The following SLC16A9 variants were observed in gnomAD, a reference collection of about 807,000 sequenced individuals.
SLC16A9 encodes monocarboxylate transporter 9.
A neutral mutation model predicts 44.3 loss-of-function variants in SLC16A9; 26 were observed. The observed-to-expected ratio is 0.59, with a 90% CI of 0.43 to 0.81. The LOEUF (loss-of-function observed/expected upper bound fraction) is 0.81. Ranked by LOEUF, SLC16A9 falls within the 40% of genes least tolerant of loss-of-function variation. The pLI, the probability that SLC16A9 is intolerant of heterozygous loss-of-function variation, is 0.00. For synonymous variants in SLC16A9, 230 were observed against 225.1 expected (o/e 1.02, Z -0.19); for missense variants, 559 against 595.8 (o/e 0.94, Z 0.64).
In SLC16A9 at chr10:59,652,904, A is replaced by G. The variant is rs771820559; in HGVS notation, c.1398T>C (p.Phe466=). The stretch of plus-strand genomic sequence containing the variant: ...CTCCCAGCAGGACGCAGAAGCCACT[A>G]AAATAAAATGCAATATCATAGGTCT... The part of the protein sequence containing the change: ...WTQTYDIAFY[F]SGFCVLLGGF... The change falls in exon 6 of 6, where the codon TTT becomes TTC. Residue 466 remains phenylalanine, a synonymous_variant. Transcript: ENST00000395348. The G allele has an allele frequency of 1.9e-6, 3 of 1,613,922 alleles. No homozygotes were observed. In the South Asian group the frequency reaches 3.3e-5, roughly 18 times the overall value.
intron 1 of SLC16A9, among the ~76,000 whole-genome samples, chr10:59,687,050 G>A (rs1285275774): frequency 6.6e-6 from 1 of 152,164 alleles, no homozygotes; most frequent in Non-Finnish European, 1.5e-5. Context: ...TGGGATTACA[G>A]GCACCACCAT....
intron 3 of SLC16A9, among the ~76,000 whole-genome samples, chr10:59,668,758 TGAG>T (rs1839681103): frequency 1.3e-5 from 2 of 152,314 alleles, no homozygotes; most frequent in African/African-American, 2.4e-5. Flanking sequence ...ATTTTTCACC[TGAG>T]TATTATGGCA....
intron 1 of SLC16A9, among the ~76,000 whole-genome samples, chr10:59,694,230 C>T (rs1311689043): frequency 6.6e-6 from 1 of 152,184 alleles, no homozygotes; most frequent in Non-Finnish European, 1.5e-5. Context: ...TGAGCCACCA[C>T]GCCTGGCCTC....
Position 59,684,316 on chromosome 10 carries a change from T to A in SLC16A9, c.-25A>T. On this transcript the variant is annotated 5_prime_UTR_variant, in exon 2 of 6. Transcript: ENST00000395348. ...TTGTAAGACAAAATCAGGAGGCGTT[T>A]CTCTGCAGGTCCTAAACAAAAACAA... The A allele has an allele frequency of 6.3e-7, 1 of 1,598,310 alleles. No homozygotes were observed. Among genetic ancestry groups the A allele is most frequent in the South Asian group, 1.1e-5 (1 of 89,946 alleles).
intron 4 of SLC16A9, among the ~76,000 whole-genome samples, chr10:59,656,270 A>G (rs900535961): frequency 6.6e-6 from 1 of 152,242 alleles, no homozygotes; most frequent in Non-Finnish European, 1.5e-5. Context: ...CATGTACTGC[A>G]TTAGTACCCA....
At chr10:59,697,962 T>TAAAAAAAAAAAAAAAA (rs34931109) in intron 1 of SLC16A9, among the ~76,000 whole-genome samples, 1 of 136,106 alleles carries the variant, frequency 7.3e-6, no homozygotes, top group African/African-American at 2.7e-5. Flanking sequence ...GGGCACACAG[T>TAAAAAAAAAAAAAAAA]AAAAAAAAAA....
At chr10:59,705,145 G>A (rs1840610233) in intron 1 of SLC16A9, among the ~76,000 whole-genome samples, 1 of 151,292 alleles carries the variant, frequency 6.6e-6, no homozygotes, top group South Asian at 2.1e-4. Context: ...CTTTTGGGTG[G>A]GTCATAAAAA....
chr10:59,681,839 GATGTATATGTAT>G lies in SLC16A9; in HGVS notation c.196+2245_196+2256del, dbSNP rs5785398. 1.0e-3 allele frequency among the ~76,000 whole-genome samples: 27 copies of G among 25,914 alleles called. 3 individuals are homozygous for G. The highest frequency in any genetic ancestry group is 1.6e-3 in the African/African-American group (12 of 7,476). The allele number at this position is 25,914 out of a possible 152,430, so 17.0% of individuals were successfully genotyped here. A position where few individuals can be genotyped will look rare whatever the true frequency, so the allele number is the denominator to read the frequency against. ...ATATGATGTATATGTATATGTATAT[GATGTATATGTAT>G]ATGTATATGTATATGTATATGTATA... is the stretch of plus-strand genomic sequence containing the variant. On this transcript the variant is annotated intron_variant, in intron 2 of 5. Transcript: ENST00000395348.
chr10:59,681,116 C>T (rs927264327), intron 2 of SLC16A9, among the ~76,000 whole-genome samples: 7 of 152,052 alleles, frequency 4.6e-5, no homozygotes, highest in African/African-American at 1.4e-4. Flanking sequence ...TAATTATCTC[C>T]CTGGCTAAGA....
intron 4 of SLC16A9, among the ~76,000 whole-genome samples, chr10:59,660,764 G>A (rs1464862205): frequency 6.6e-6 from 1 of 152,106 alleles, no homozygotes; most frequent in Non-Finnish European, 1.5e-5. Flanking sequence ...ATAAAATACT[G>A]GCAAACCAAA....
chr10:59,701,794 T>G (rs903704294), intron 1 of SLC16A9, among the ~76,000 whole-genome samples: 1 of 152,198 alleles, frequency 6.6e-6, no homozygotes, highest in African/African-American at 2.4e-5. Flanking sequence ...ACTCTTCAGT[T>G]CCTGTTAGTA....
At chr10:59,705,752 T>A (rs1194601983) in intron 1 of SLC16A9, among the ~76,000 whole-genome samples, 1 of 152,164 alleles carries the variant, frequency 6.6e-6, no homozygotes, top group Non-Finnish European at 1.5e-5. Flanking sequence ...AGGAAGTGAA[T>A]ATTGAGATTT....
intron 1 of SLC16A9, among the ~76,000 whole-genome samples, chr10:59,696,992 C>T (rs1345286895): frequency 1.8e-5 from 2 of 108,282 alleles, no homozygotes; most frequent in African/African-American, 3.2e-5. Context: ...GGGGGGTCAG[C>T]CCCCCGCCCG....
chr10:59,702,804 C>T (rs1840553407), intron 1 of SLC16A9, among the ~76,000 whole-genome samples: 1 of 152,180 alleles, frequency 6.6e-6, no homozygotes, highest in Admixed American at 6.5e-5. Flanking sequence ...GCCATATTAA[C>T]TTCTACAAGT....
chr10:59,681,390 A>G, intron 2 of SLC16A9, among the ~76,000 whole-genome samples: 1 of 129,938 alleles, frequency 7.7e-6, no homozygotes, highest in African/African-American at 2.9e-5. Flanking sequence ...CTTGTACACA[A>G]TATCTAAAGT....
At chr10:59,686,268 A>C (rs1255957421) in intron 1 of SLC16A9, among the ~76,000 whole-genome samples, 1 of 152,162 alleles carries the variant, frequency 6.6e-6, no homozygotes, top group Non-Finnish European at 1.5e-5. Context: ...TTCTGTCTTT[A>C]TAATTACACT....
At chr10:59,679,222 C>A (rs190005843) in intron 2 of SLC16A9, among the ~76,000 whole-genome samples, 1 of 152,028 alleles carries the variant, frequency 6.6e-6, no homozygotes. Context: ...ATTTGGAGAA[C>A]AATATCTAGC....
At chr10:59,701,905 C>G (rs1190021448) in intron 1 of SLC16A9, among the ~76,000 whole-genome samples, 1 of 152,200 alleles carries the variant, frequency 6.6e-6, no homozygotes, top group African/African-American at 2.4e-5. Context: ...AACTCTACAT[C>G]AGTCATTCCT....
At position 59,688,243 on chromosome 10, in the gene SLC16A9, C is replaced by T. The variant is rs1337694194; in HGVS notation, c.-36-3916G>A. Among the ~76,000 whole-genome samples, 4 of 152,180 alleles carry T rather than the reference C, an allele frequency of 2.6e-5. No homozygotes were observed. The East Asian group carries it at 7.7e-4, about 29-fold the overall frequency. ...GGAATATCAATTATCCATTCACACA[C>T]AGCCTAATTAGATGACAAGGCATTT... On this transcript the variant is annotated intron_variant, in intron 1 of 5. Transcript: ENST00000395348.
Sources: allele counts gnomAD v4.1 joint callset (sites outside exome capture counted in the v4.1 genomes callset), GRCh38; gene constraint gnomAD v4.1.1; transcripts MANE v1.5; gene names NCBI Gene and HGNC (gene_info 2026-07-23, HGNC 2026-07-21).